The following ARHGAP26 variants were observed in gnomAD, a reference collection of about 807,000 sequenced individuals.
The protein encoded by ARHGAP26 is Rho GTPase activating protein 26.
Under a neutral mutation model 104.8 loss-of-function variants are expected in ARHGAP26, and 38 were observed. That is an observed-to-expected ratio of 0.36 (90% CI 0.28 to 0.48). ARHGAP26 has a LOEUF of 0.48. ARHGAP26 is among the 20% of genes least tolerant of loss of function. The pLI is 0.99. For missense variants in ARHGAP26, 704 were observed against 947.9 expected, an observed-to-expected ratio of 0.74 and a Z score of 3.38; for synonymous variants, 341 against 340.0, an observed-to-expected ratio of 1.00 and a Z score of -0.03.
chr5:143,205,117 A>G (rs1808364111), intron 20 of ARHGAP26, among the ~76,000 whole-genome samples: 1 of 152,148 alleles, frequency 6.6e-6, no homozygotes, highest in South Asian at 2.1e-4. Context: ...CTAGGACTCA[A>G]GACAGAGTCA....
chr5:143,168,386 G>A lies in ARHGAP26; in HGVS notation c.1988+21005G>A, dbSNP rs1056302328. On this transcript the variant is annotated intron_variant, in intron 20 of 22. Coordinates refer to ENST00000645722, the MANE Select transcript of ARHGAP26 (RefSeq NM_001135608.3). Reference sequence around the variant, plus strand: ...TTCATGTAATTGACTTGCCTGAGACGTTCCCTATTTTCATCACAGCTTTGC... The same window carrying A: ...TTCATGTAATTGACTTGCCTGAGACATTCCCTATTTTCATCACAGCTTTGC... Among the ~76,000 whole-genome samples the A allele has an allele frequency of 4.4e-5, 6 of 135,014 alleles. No individual in the cohort carries two copies. The South Asian group carries it at 7.1e-4, about 16-fold the overall frequency. 88.6% of individuals were successfully genotyped at this position (135,014 alleles called of 152,430 possible).
chr5:143,209,153 G>A (rs1371263892), intron 21 of ARHGAP26, among the ~76,000 whole-genome samples: 1 of 152,134 alleles, frequency 6.6e-6, no homozygotes, highest in Admixed American at 6.5e-5. Context: ...AGAGACTCAA[G>A]AGAGTGAAAT....
At chr5:142,880,547 G>A (rs1175187767) in intron 4 of ARHGAP26, among the ~76,000 whole-genome samples, 1 of 151,974 alleles carries the variant, frequency 6.6e-6, no homozygotes, top group Non-Finnish European at 1.5e-5. Context: ...GGAAACTCTA[G>A]CTGGTTTGAC....
In ARHGAP26 at chr5:143,144,315, G is replaced by A. The variant is rs140287127; in HGVS notation, c.1838-2916G>A. The stretch of plus-strand genomic sequence containing the variant: ...TGTCTTCTAGGCTGCCTGTTCTTGT[G>A]CGCTTCTGTCAGGAGCAGTACTCAT... On this transcript the variant is annotated intron_variant, in intron 19 of 22. Coordinates refer to ENST00000645722, the MANE Select transcript of ARHGAP26 (RefSeq NM_001135608.3). Among the ~76,000 whole-genome samples the A allele has an allele frequency of 4.1e-3, 631 of 152,214 alleles. 15 individuals carry two copies. Among genetic ancestry groups the A allele is most frequent in the Admixed American group, 0.038 (580 of 15,294 alleles).
chr5:143,035,935 CAA>C (rs10713064), intron 12 of ARHGAP26, among the ~76,000 whole-genome samples: 290 of 78,100 alleles, frequency 3.7e-3, no homozygotes, highest in Middle Eastern at 7.2e-3. Flanking sequence ...GACCTTGTCT[CAA>C]AAAAAAAAAA....
intron 1 of ARHGAP26, among the ~76,000 whole-genome samples, chr5:142,800,516 C>G (rs1036713613): frequency 8.5e-5 from 13 of 152,154 alleles, no homozygotes; most frequent in African/African-American, 3.1e-4. Context: ...GCACCTGCCA[C>G]CACGCTCAGC....
intron 1 of ARHGAP26, among the ~76,000 whole-genome samples, chr5:142,839,271 C>A (rs1174725865): frequency 1.3e-5 from 2 of 152,082 alleles, no homozygotes; most frequent in African/African-American, 4.8e-5. Flanking sequence ...TATCTGAGCA[C>A]CTTCAGACAC....
intron 1 of ARHGAP26, among the ~76,000 whole-genome samples, chr5:142,869,201 CTTTTTTCTTTTTT>C (rs1030949204): frequency 1.5e-5 from 2 of 130,050 alleles, no homozygotes. Flanking sequence ...TTTTCTTTTT[CTTTTTTCTTTTTT>C]TTTTTTTTTT....
At chr5:143,185,423 T>A (rs1031898090) in intron 20 of ARHGAP26, among the ~76,000 whole-genome samples, 2 of 152,226 alleles carry the variant, frequency 1.3e-5, no homozygotes, top group Non-Finnish European at 1.5e-5. Context: ...AAAAAATTTC[T>A]GCATTAAAAA....
At chr5:142,849,264 G>T (rs141677310) in intron 1 of ARHGAP26, among the ~76,000 whole-genome samples, 1 of 152,300 alleles carries the variant, frequency 6.6e-6, no homozygotes, top group East Asian at 1.9e-4. Flanking sequence ...GTGGACTCTT[G>T]TGTTCTCACT....
intron 1 of ARHGAP26, among the ~76,000 whole-genome samples, chr5:142,861,033 AT>A (rs1017345479): frequency 3.3e-5 from 5 of 152,134 alleles, no homozygotes; most frequent in African/African-American, 1.2e-4. Flanking sequence ...AGAAACACTT[AT>A]CTTTGGCCTC....
chr5:142,902,136 A>AG (rs1760443765), intron 7 of ARHGAP26, 97 bp downstream of exon 7: 2 of 1,045,062 alleles, frequency 1.9e-6, no homozygotes, highest in Admixed American at 4.5e-5. Flanking sequence ...CTTGGAATGT[A>AG]GGTGAGGAGG....
At chr5:143,132,455 G>A (rs1010101937) in intron 18 of ARHGAP26, among the ~76,000 whole-genome samples, 23 of 151,556 alleles carry the variant, frequency 1.5e-4, no homozygotes, top group African/African-American at 5.6e-4. Flanking sequence ...AATAAGAGAT[G>A]GTAATGAGTG....
At chr5:142,781,391 A>G (rs1757467961) in intron 1 of ARHGAP26, among the ~76,000 whole-genome samples, 1 of 152,222 alleles carries the variant, frequency 6.6e-6, no homozygotes, top group South Asian at 2.1e-4. Context: ...TCTTCAAATA[A>G]TTATTAAATC....
chr5:142,792,516 A>G (rs1421235024), intron 1 of ARHGAP26, among the ~76,000 whole-genome samples: 2 of 152,210 alleles, frequency 1.3e-5, no homozygotes, highest in Non-Finnish European at 2.9e-5. Context: ...ACATCTAAGC[A>G]CTAGAGACTT....
chr5:142,965,890 C>T (rs921471539), intron 11 of ARHGAP26, among the ~76,000 whole-genome samples: 3 of 152,152 alleles, frequency 2.0e-5, no homozygotes, highest in African/African-American at 7.2e-5. Context: ...TTTTGAAAGT[C>T]ATCCAGTGTA....
intron 20 of ARHGAP26, among the ~76,000 whole-genome samples, chr5:143,167,304 CT>C (rs1467687026): frequency 3.8e-5 from 4 of 104,540 alleles, no homozygotes; most frequent in Non-Finnish European, 7.7e-5. Context: ...CTCATCTCTA[CT>C]TTAAAAAAAA....
chr5:142,949,361 A>G (rs1002028650), intron 11 of ARHGAP26, among the ~76,000 whole-genome samples: 1 of 151,940 alleles, frequency 6.6e-6, no homozygotes, highest in Non-Finnish European at 1.5e-5. Flanking sequence ...GACCCGAGCC[A>G]TATCACTCAC....
intron 11 of ARHGAP26, among the ~76,000 whole-genome samples, chr5:142,964,647 A>T (rs1420840657): frequency 6.6e-6 from 1 of 152,034 alleles, no homozygotes; most frequent in Non-Finnish European, 1.5e-5. Context: ...TCAAGTAGAG[A>T]CTTCTTTTAG....
Sources: allele counts gnomAD v4.1 joint callset (sites outside exome capture counted in the v4.1 genomes callset), GRCh38; gene constraint gnomAD v4.1.1; transcripts MANE v1.5; gene names NCBI Gene and HGNC (gene_info 2026-07-23, HGNC 2026-07-21).